The following DOCK8 variants were observed in gnomAD, a reference collection of about 807,000 sequenced individuals.
The protein encoded by DOCK8 is dedicator of cytokinesis 8.
DOCK8 carries 141 observed loss-of-function variants against 245.6 expected under a neutral mutation model. The ratio of observed to expected loss-of-function variants is 0.57; its 90% CI spans 0.50 to 0.66. The LOEUF is 0.66. DOCK8 is among the 30% of genes least tolerant of loss of function. The probability of loss-of-function intolerance (pLI) is 0.00; values close to 1 mark genes in which losing one functional copy is unlikely to be tolerated. For synonymous variants in DOCK8, 1,168 were observed against 970.2 expected (o/e 1.20, Z -3.79); for missense variants, 2,965 against 2,603.4 (o/e 1.14, Z -3.02).
Position 317,881 on chromosome 9 carries a change from C to T in DOCK8, c.827+753C>T, listed in dbSNP as rs1031376218. Among the ~76,000 whole-genome samples, 5 of 152,074 alleles carry T rather than the reference C, an allele frequency of 3.3e-5. No individual in the cohort carries two copies. The South Asian group carries it at 6.2e-4, about 19-fold the overall frequency. On this transcript the variant is annotated intron_variant, in intron 7 of 47. Transcript: ENST00000432829. Reference sequence around the variant, plus strand: ...TTATAAACACCATATAATTAAAACACGACTACAGTCTGGTTTCATCTTGTG... The same window carrying T: ...TTATAAACACCATATAATTAAAACATGACTACAGTCTGGTTTCATCTTGTG...
At chr9:400,061 CCTTCACCATCACCATCA>C (rs1564011890) in intron 26 of DOCK8, among the ~76,000 whole-genome samples, 11 of 90,954 alleles carry the variant, frequency 1.2e-4, no homozygotes, top group Non-Finnish European at 1.4e-4. Flanking sequence ...ATCACCACCT[CCTTCACCATCACCATCA>C]CCACCACCTC....
At position 420,725 on chromosome 9, in the gene DOCK8, G is replaced by C. The variant is rs1168268553; in HGVS notation, c.4023+142G>C. Reference sequence around the variant, plus strand: ...TATTCAAATCCATAACCCATTTGTAGGTATAGATATGATCATTTCACAGGG... The same window carrying C: ...TATTCAAATCCATAACCCATTTGTACGTATAGATATGATCATTTCACAGGG... On this transcript the variant is annotated intron_variant, in intron 31 of 47. Transcript: ENST00000432829. 4.8e-6 allele frequency: 6 copies of C among 1,249,322 alleles called. No homozygotes were observed. In the Middle Eastern group the frequency reaches 7.8e-4, roughly 162 times the overall value. 77.4% of individuals were successfully genotyped at this position (1,249,322 alleles called of 1,614,324 possible).
At chr9:415,939 C>T (rs1229940668) in intron 29 of DOCK8, among the ~76,000 whole-genome samples, 3 of 152,250 alleles carry the variant, frequency 2.0e-5, no homozygotes, top group South Asian at 2.1e-4. Context: ...AATACTATTA[C>T]GGTGACAAGT....
At chr9:353,335 A>G (rs1276100019) in intron 14 of DOCK8, among the ~76,000 whole-genome samples, 1 of 152,168 alleles carries the variant, frequency 6.6e-6, no homozygotes, top group Non-Finnish European at 1.5e-5. Flanking sequence ...TGATTCCAAT[A>G]CTTTCTTCCC....
chr9:438,429 C>A (rs774954392), intron 39 of DOCK8, among the ~76,000 whole-genome samples: 3 of 152,200 alleles, frequency 2.0e-5, no homozygotes, highest in Non-Finnish European at 4.4e-5. Flanking sequence ...TTCTGTTTTT[C>A]ATATGCATTT....
intron 1 of DOCK8, among the ~76,000 whole-genome samples, chr9:238,552 A>G (rs1028644813): frequency 1.3e-5 from 2 of 152,236 alleles, no homozygotes; most frequent in East Asian, 3.8e-4. Context: ...CTCATTTACA[A>G]GCACAGAGGT....
upstream of DOCK8, chr9:214,546 T>A (rs974588448): frequency 6.2e-7 from 1 of 1,613,494 alleles, no homozygotes; most frequent in African/African-American, 1.3e-5. Flanking sequence ...CTCGCCAGCT[T>A]TGTGGGGCTC....
chr9:444,335 A>AAAT (rs139606153), intron 43 of DOCK8, among the ~76,000 whole-genome samples: 5,052 of 143,574 alleles, frequency 0.035, 114 homozygotes, highest in African/African-American at 0.071. Flanking sequence ...AAAACAAAGC[A>AAAT]AATAATAATA....
upstream of DOCK8, chr9:214,493 TTAA>T: frequency 1.9e-6 from 3 of 1,610,292 alleles, no homozygotes; most frequent in Non-Finnish European, 2.5e-6. Flanking sequence ...GTGTCAACCC[TTAA>T]TAACACCTAG....
chr9:416,203 G>A (rs1043296089), intron 29 of DOCK8, among the ~76,000 whole-genome samples: 5 of 152,178 alleles, frequency 3.3e-5, no homozygotes, highest in African/African-American at 1.2e-4. Flanking sequence ...TGCACCATGA[G>A]GTCAGCAGCT....
At position 390,757 on chromosome 9, in the gene DOCK8, C is replaced by A. The variant is rs547191736; in HGVS notation, c.2970+191C>A. 1.6e-4 allele frequency among the ~76,000 whole-genome samples: 25 copies of A among 152,242 alleles called. No individual in the cohort carries two copies. In the South Asian group the frequency reaches 4.8e-3, roughly 29 times the overall value. ...TTGCTTCTACCATGAAAATCTATCG[C>A]CGTCCTGTGAGTTCTCATCACCTTC... is the stretch of plus-strand genomic sequence containing the variant. On this transcript the variant is annotated intron_variant, in intron 24 of 47. Transcript: ENST00000432829.
intron 3 of DOCK8, among the ~76,000 whole-genome samples, chr9:287,133 A>G (rs2048856164): frequency 6.6e-6 from 1 of 152,238 alleles, no homozygotes; most frequent in African/African-American, 2.4e-5. Flanking sequence ...TGTTCTGGGT[A>G]CTGAGATAAA....
chr9:317,952 G>A (rs1192818460), intron 7 of DOCK8, among the ~76,000 whole-genome samples: 2 of 141,836 alleles, frequency 1.4e-5, no homozygotes, highest in Non-Finnish European at 3.0e-5. Flanking sequence ...GCATCCAAAC[G>A]TTTCAATTGT....
In DOCK8 at chr9:306,833, G is replaced by A. The variant is rs144892197; in HGVS notation, c.528+2129G>A. On this transcript the variant is annotated intron_variant, in intron 5 of 47. Transcript: ENST00000432829. ...GGGAAGATCTTGGAGTTGTCAGAAC[G>A]TAGAAGCTCAGAAGAGGAGCCTGAG... 2.0e-3 allele frequency among the ~76,000 whole-genome samples: 311 copies of A among 152,322 alleles called. 1 individual carries two copies. The highest frequency in any genetic ancestry group is 3.3e-3 in the Non-Finnish European group (225 of 68,034).
intron 14 of DOCK8, among the ~76,000 whole-genome samples, chr9:341,811 C>T (rs770227725): frequency 2.4e-4 from 36 of 152,216 alleles, no homozygotes; most frequent in Non-Finnish European, 4.7e-4. Flanking sequence ...GCTTCATTTA[C>T]AGCCACTCCC....
intron 24 of DOCK8, among the ~76,000 whole-genome samples, chr9:393,728 G>A (rs762345438): frequency 6.6e-6 from 1 of 152,206 alleles, no homozygotes; most frequent in Non-Finnish European, 1.5e-5. Context: ...GCATATTGCA[G>A]GGGTTTGTCA....
Position 449,771 on chromosome 9 carries a change from G to A in DOCK8, c.5818-13G>A, listed in dbSNP as rs368826292. ...CAGACAGTGACTTCCCTATGTTTAC[G>A]TCTCATGTTCAGTTTGTTTTGACAC... On this transcript the variant is annotated splice_polypyrimidine_tract_variant and intron_variant, in intron 44 of 47. Coordinates refer to ENST00000432829, the MANE Select transcript of DOCK8 (RefSeq NM_203447.4). 1.9e-4 allele frequency: 309 copies of A among 1,612,300 alleles called. No individual in the cohort carries two copies. The highest frequency in any genetic ancestry group is 2.2e-4 in the Admixed American group (13 of 59,998).
chr9:335,844 T>C (rs1186498464), intron 11 of DOCK8, among the ~76,000 whole-genome samples: 1 of 152,076 alleles, frequency 6.6e-6, no homozygotes, highest in Non-Finnish European at 1.5e-5. Context: ...TTCAACATCA[T>C]GGTAAGAATT....
At chr9:432,461 T>G (rs2056754021) in intron 37 of DOCK8, 137 bp downstream of exon 37, 2 of 832,304 alleles carry the variant, frequency 2.4e-6, no homozygotes, top group South Asian at 3.7e-5. Context: ...AATATGCATG[T>G]GCTCTCAGCA....
Sources: allele counts gnomAD v4.1 joint callset (sites outside exome capture counted in the v4.1 genomes callset), GRCh38; gene constraint gnomAD v4.1.1; transcripts MANE v1.5; gene names NCBI Gene and HGNC (gene_info 2026-07-23, HGNC 2026-07-21).